The following DRC1 variants were observed in gnomAD, a reference collection of about 807,000 sequenced individuals.
DRC1 encodes dynein regulatory complex subunit 1.
Under a neutral mutation model 98.7 loss-of-function variants are expected in DRC1, and 74 were observed. The ratio of observed to expected loss-of-function variants is 0.75; its 90% CI spans 0.62 to 0.91. DRC1 has a LOEUF of 0.91. DRC1 is among the 40% of genes least tolerant of loss of function. The probability of loss-of-function intolerance (pLI) is 0.00; values close to 1 mark genes in which losing one functional copy is unlikely to be tolerated. For synonymous variants in DRC1, 336 were observed against 334.1 expected (o/e 1.01, Z -0.06); for missense variants, 875 against 886.0 (o/e 0.99, Z 0.16).
intron 2 of DRC1, among the ~76,000 whole-genome samples, chr2:26,419,792 T>C (rs1663078353): frequency 6.6e-6 from 1 of 152,174 alleles, no homozygotes; most frequent in Admixed American, 6.5e-5. Flanking sequence ...GGATTTATCA[T>C]CTTGAATAAC....
At chr2:26,448,591 C>A in intron 10 of DRC1, 100 bp from the exon 11 acceptor site, 1 of 1,215,808 alleles carries the variant, frequency 8.2e-7, no homozygotes, top group Non-Finnish European at 1.2e-6. Flanking sequence ...TTAAGAGGTA[C>A]ATTTTCTCAA....
At position 26,424,256 on chromosome 2, in the gene DRC1, T is replaced by C. The variant is rs1188964676; in HGVS notation, c.357-15T>C. The C allele has an allele frequency of 1.2e-6, 2 of 1,613,586 alleles. No homozygotes were observed. ...TGGAGCTGGGTTGGCATGGCTGGCA[T>C]GTATGTATTTGCAGGATTGAGAAGC... On this transcript the variant is annotated splice_polypyrimidine_tract_variant and intron_variant, in intron 3 of 16. Transcript: ENST00000288710.
chr2:26,409,783 T>C (rs1678539542), intron 1 of DRC1, among the ~76,000 whole-genome samples: 1 of 152,246 alleles, frequency 6.6e-6, no homozygotes, highest in South Asian at 2.1e-4. Context: ...CAGTGTTTAT[T>C]TATTTTTAAC....
At chr2:26,414,897 C>T (rs1678746378) in intron 2 of DRC1, among the ~76,000 whole-genome samples, 1 of 152,172 alleles carries the variant, frequency 6.6e-6, no homozygotes, top group Non-Finnish European at 1.5e-5. Flanking sequence ...TCTCATCTGG[C>T]CACTTTCCCA....
At chr2:26,448,544 T>G (rs1663918235) in intron 10 of DRC1, 147 bp from the exon 11 acceptor site, 4 of 854,284 alleles carry the variant, frequency 4.7e-6, no homozygotes, top group Admixed American at 2.0e-5. Context: ...GCTTTTTTCA[T>G]CATAAAGAGA....
intron 1 of DRC1, among the ~76,000 whole-genome samples, chr2:26,406,259 CAT>C (rs146618269): frequency 0.013 from 1,923 of 152,246 alleles, 28 homozygotes; most frequent in African/African-American, 0.037. Flanking sequence ...ATTGCTGGCA[CAT>C]GTGATAATAA....
In DRC1 at chr2:26,455,705, T is replaced by C. The variant is rs540325125; in HGVS notation, c.2166+472T>C. Among the ~76,000 whole-genome samples, 10 of 152,388 alleles carry C rather than the reference T, an allele frequency of 6.6e-5. No homozygotes were observed. The East Asian group carries it at 1.5e-3, about 23-fold the overall frequency. On this transcript the variant is annotated intron_variant, in intron 16 of 16. Coordinates refer to ENST00000288710, the MANE Select transcript of DRC1 (RefSeq NM_145038.5). ...TTTCCACCCACCAGCCCCGGTTCCCTGCCTGGGATATGACTGGAGGGTCAT... is the reference window on the plus strand; with the variant it reads ...TTTCCACCCACCAGCCCCGGTTCCCCGCCTGGGATATGACTGGAGGGTCAT...
At chr2:26,417,394 T>A (rs1430995494) in intron 2 of DRC1, among the ~76,000 whole-genome samples, 2 of 151,666 alleles carry the variant, frequency 1.3e-5, no homozygotes, top group Non-Finnish European at 2.9e-5. Flanking sequence ...AGTGGCACAA[T>A]CTTGGCTCAC....
In DRC1 at chr2:26,454,601, G is replaced by T. The variant is rs1664090899; in HGVS notation, c.1920-46G>T. The T allele has an allele frequency of 1.2e-6, 2 of 1,608,434 alleles. No individual in the cohort carries two copies. Among genetic ancestry groups the T allele is most frequent in the Non-Finnish European group, 1.7e-6 (2 of 1,176,912 alleles). On this transcript the variant is annotated intron_variant, in intron 14 of 16. Coordinates refer to ENST00000288710, the MANE Select transcript of DRC1 (RefSeq NM_145038.5). This position sits in a 1 kb window ranked among gnomAD's most constrained non-coding sequence, Gnocchi z 5.2. Reference sequence around the variant, plus strand: ...GTGACTGGCACTGCCTGGGGGCCTGGGTAGTACCCAATGGACATGACAATC... The same window carrying T: ...GTGACTGGCACTGCCTGGGGGCCTGTGTAGTACCCAATGGACATGACAATC...
intron 7 of DRC1, among the ~76,000 whole-genome samples, 161 bp from the exon 8 acceptor site, chr2:26,440,217 T>A (rs1355219791): frequency 2.0e-5 from 3 of 151,766 alleles, no homozygotes; most frequent in African/African-American, 7.3e-5. Flanking sequence ...TATATAAGTA[T>A]GTCTATGTAA....
intron 6 of DRC1, among the ~76,000 whole-genome samples, 163 bp from the exon 7 acceptor site, chr2:26,431,721 C>G (rs1663440885): frequency 6.6e-6 from 1 of 151,988 alleles, no homozygotes; most frequent in Non-Finnish European, 1.5e-5. Context: ...CAAGCCAAGT[C>G]CTAAAAGCCT....
chr2:26,428,169 A>G, intron 4 of DRC1, among the ~76,000 whole-genome samples: 2 of 152,334 alleles, frequency 1.3e-5, no homozygotes, highest in Middle Eastern at 3.4e-3. Flanking sequence ...TCCAATTTTG[A>G]TGTCTTTTCA....
Position 26,444,338 on chromosome 2 carries a change from A to G in DRC1, c.1145A>G (p.Glu382Gly). The G allele has an allele frequency of 6.2e-7, 1 of 1,614,134 alleles. No homozygotes were observed. The highest frequency in any genetic ancestry group is 8.5e-7 in the Non-Finnish European group (1 of 1,180,008). Residue 382 changes from glutamate (E) to glycine (G), a missense_variant, in exon 9 of 17, where the codon GAG becomes GGG. Physicochemically the swap from Glu to Gly is moderately conservative, Grantham distance 98. Coordinates refer to ENST00000288710, the MANE Select transcript of DRC1 (RefSeq NM_145038.5). ...AAACGTCTTGTGATGCAATTCAAGGAGCTACAGAAAGCCATGAGGTATCTT... is the reference window on the plus strand; with the variant it reads ...AAACGTCTTGTGATGCAATTCAAGGGGCTACAGAAAGCCATGAGGTATCTT... Reference protein sequence around the residue: ...DYKRLVMQFKELQKAMRHFAL... With the variant: ...DYKRLVMQFKGLQKAMRHFAL...
Position 26,453,502 on chromosome 2 carries a change from T to C in DRC1, c.1872T>C (p.Asp624=), listed in dbSNP as rs933026039. Residue 624 remains aspartate (D), a synonymous_variant, in exon 14 of 17, where the codon GAT becomes GAC. Coordinates refer to ENST00000288710, the MANE Select transcript of DRC1 (RefSeq NM_145038.5). ...PPSPWVIHPN[D]VLKILEAFVM... ...CCCCCTGGGTCATCCACCCCAATGATGTCCTCAAGATTCTGGAGGCCTTCG... is the reference window on the plus strand; with the variant it reads ...CCCCCTGGGTCATCCACCCCAATGACGTCCTCAAGATTCTGGAGGCCTTCG... 4 of 1,614,062 alleles carry C rather than the reference T, an allele frequency of 2.5e-6. No individual in the cohort carries two copies. Among genetic ancestry groups the C allele is most frequent in the East Asian group, 4.5e-5 (2 of 44,898 alleles).
At chr2:26,435,572 C>G (rs1663547806) in intron 7 of DRC1, among the ~76,000 whole-genome samples, 9 of 152,086 alleles carry the variant, frequency 5.9e-5, no homozygotes, top group Admixed American at 5.9e-4. Context: ...TCCCTGCTCC[C>G]AAACTCCACC....
chr2:26,418,654 AT>A (rs1388869268), intron 2 of DRC1, among the ~76,000 whole-genome samples: 25 of 87,342 alleles, frequency 2.9e-4, no homozygotes, highest in Non-Finnish European at 4.4e-4. Context: ...TAATATATAA[AT>A]TATATATTAT....
In DRC1 at chr2:26,402,047, A is replaced by C. The variant is rs1431237730; in HGVS notation, c.58A>C (p.Thr20Pro). 4.3e-6 allele frequency: 7 copies of C among 1,612,880 alleles called. No individual in the cohort carries two copies. The East Asian group carries it at 1.6e-4, about 36-fold the overall frequency. The change falls in exon 1 of 17, where the codon ACC becomes CCC. Residue 20 changes from threonine to proline, a missense_variant. Coordinates refer to ENST00000288710, the MANE Select transcript of DRC1 (RefSeq NM_145038.5). ...LDPNVDEHLS[T>P]QILAPSVHSD... ...CCCGAACGTGGACGAGCACTTGTCC[A>C]CCCAGATTCTCGCGCCCTCGGTCCA...
At chr2:26,406,302 T>A (rs765199920) in intron 1 of DRC1, among the ~76,000 whole-genome samples, 1 of 152,212 alleles carries the variant, frequency 6.6e-6, no homozygotes. Context: ...ACTTTACCTA[T>A]AGGCAGTGCA....
rs1194242737 is a variant in DRC1 at position 26,454,549 on chromosome 2, G to A, written c.1920-98G>A. On this transcript the variant is annotated intron_variant, in intron 14 of 16. Transcript: ENST00000288710. This position sits in a 1 kb window ranked among gnomAD's most constrained non-coding sequence, Gnocchi z 5.2. ...ATAAACTTGGACTGCTGAGTGGGAA[G>A]GTGACAGGTGGGAAAGCAGTAGGCC... The A allele has an allele frequency of 3.3e-6, 5 of 1,527,472 alleles. No individual in the cohort carries two copies. The highest frequency in any genetic ancestry group is 1.4e-5 in the African/African-American group (1 of 73,094). 94.6% of individuals were successfully genotyped at this position (1,527,472 alleles called of 1,614,324 possible).
Sources: gnomAD v4.1 joint callset for allele counts (sites outside exome capture counted in the v4.1 genomes callset) on GRCh38, gnomAD v4.1.1 for gene constraint, Gnocchi (gnomAD v3.1) non-coding constraint, MANE v1.5 for transcripts, NCBI Gene and HGNC (gene_info 2026-07-23, HGNC 2026-07-21) for gene names.